The following CSMD1 variants were observed in gnomAD, a reference collection of about 807,000 sequenced individuals.
The protein encoded by CSMD1 is CUB and sushi domain-containing protein 1.
Under a neutral mutation model 417.5 loss-of-function variants are expected in CSMD1, and 213 were observed. That is an observed-to-expected ratio of 0.51 (90% CI 0.46 to 0.57). The LOEUF (loss-of-function observed/expected upper bound fraction) is 0.57. Ranked by LOEUF, CSMD1 falls within the 20% of genes least tolerant of loss-of-function variation. The probability of loss-of-function intolerance (pLI) is 0.00; values close to 1 mark genes in which losing one functional copy is unlikely to be tolerated. For synonymous variants in CSMD1, 2,862 were observed against 1,736.8 expected (o/e 1.65, Z -16.11); for missense variants, 6,923 against 4,529.7 (o/e 1.53, Z -15.17).
intron 58 of CSMD1, 59 bp from the exon 59 acceptor site, chr8:2,966,013 T>C: frequency 7.0e-7 from 1 of 1,423,952 alleles, no homozygotes; most frequent in Non-Finnish European, 9.7e-7. Context: ...AATGAATTAG[T>C]CACCATTTCT....
At chr8:4,418,251 A>T (rs1047530321) in intron 3 of CSMD1, among the ~76,000 whole-genome samples, 2 of 152,258 alleles carry the variant, frequency 1.3e-5, no homozygotes, top group Admixed American at 1.3e-4. Flanking sequence ...AATAAATCCA[A>T]GTTACTCAAC....
intron 26 of CSMD1, among the ~76,000 whole-genome samples, chr8:3,268,424 G>T (rs1160007800): frequency 2.0e-5 from 3 of 150,376 alleles, no homozygotes; most frequent in Non-Finnish European, 4.4e-5. Flanking sequence ...GAGTAACTGG[G>T]ACTACAGGTG....
chr8:3,804,978 G>C (rs969201465), intron 5 of CSMD1, among the ~76,000 whole-genome samples: 1 of 152,124 alleles, frequency 6.6e-6, no homozygotes, highest in Non-Finnish European at 1.5e-5. Flanking sequence ...GCAATTGTTC[G>C]TTCCACTTTC....
rs760185581 is a variant in CSMD1, at chr8:3,189,955, G to C, written c.5355C>G (p.Pro1785=). 1 of 1,597,578 alleles carries C rather than the reference G, an allele frequency of 6.3e-7. No individual in the cohort carries two copies. The highest frequency in any genetic ancestry group is 8.5e-7 in the Non-Finnish European group (1 of 1,172,448). ...TGTCGTTCCACTGTGCCAAGGCGTT[G>C]GGCACGGACTGGCAGTGGAGCGCCG... ...GSTALHCQSV[P]NALAQWNDTI... Residue 1785 remains proline (P), a synonymous_variant, in exon 34 of 70, where the codon CCC becomes CCG. Coordinates refer to ENST00000635120, the MANE Select transcript of CSMD1 (RefSeq NM_033225.6).
intron 37 of CSMD1, among the ~76,000 whole-genome samples, chr8:3,176,532 T>G (rs1318199681): frequency 6.6e-6 from 1 of 152,130 alleles, no homozygotes; most frequent in Admixed American, 6.5e-5. Context: ...TTAAAATCTC[T>G]AGAGTAATTT....
intron 9 of CSMD1, 113 bp from the exon 10 acceptor site, chr8:3,575,179 A>C: frequency 8.6e-7 from 1 of 1,160,340 alleles, no homozygotes; most frequent in African/African-American, 1.6e-5. Flanking sequence ...GTAAAAAAAA[A>C]AAAAAAAATG....
intron 1 of CSMD1, among the ~76,000 whole-genome samples, chr8:4,945,276 A>T (rs1439572442): frequency 6.6e-6 from 1 of 152,178 alleles, no homozygotes; most frequent in Admixed American, 6.5e-5. Context: ...GTTGAATGGG[A>T]ACAGAGTTTT....
chr8:3,433,807 G>C (rs898425867), intron 12 of CSMD1, among the ~76,000 whole-genome samples: 3 of 152,154 alleles, frequency 2.0e-5, no homozygotes, highest in African/African-American at 7.2e-5. Flanking sequence ...CACAGTTCTA[G>C]GACTGAAAAA....
chr8:4,792,276 C>G (rs1279163764), intron 1 of CSMD1, among the ~76,000 whole-genome samples: 1 of 152,154 alleles, frequency 6.6e-6, no homozygotes, highest in Non-Finnish European at 1.5e-5. Context: ...CACATCCTAA[C>G]TACACCCCTA....
intron 5 of CSMD1, among the ~76,000 whole-genome samples, chr8:3,796,626 ATCT>A (rs1800167935): frequency 6.7e-6 from 1 of 148,842 alleles, no homozygotes; most frequent in South Asian, 2.1e-4. Flanking sequence ...ATAGATATAT[ATCT>A]TCTAATGTAT....
intron 5 of CSMD1, among the ~76,000 whole-genome samples, chr8:3,982,724 G>A (rs1436192292): frequency 6.6e-6 from 1 of 152,092 alleles, no homozygotes; most frequent in Non-Finnish European, 1.5e-5. Context: ...GAAGCACCCG[G>A]CATCTGTAGG....
intron 5 of CSMD1, among the ~76,000 whole-genome samples, chr8:3,953,671 G>A (rs371308100): frequency 1.3e-5 from 2 of 152,132 alleles, no homozygotes; most frequent in Non-Finnish European, 2.9e-5. Context: ...GGGAGCCTGG[G>A]GAAGTGATGG....
At chr8:3,099,633 G>A (rs118142994) in intron 46 of CSMD1, among the ~76,000 whole-genome samples, 36 of 152,290 alleles carry the variant, frequency 2.4e-4, no homozygotes, top group Non-Finnish European at 4.3e-4. Flanking sequence ...CAGGCCATCT[G>A]GAAGTAAGAA....
At chr8:4,641,424 G>C (rs1383981728) in intron 1 of CSMD1, among the ~76,000 whole-genome samples, 1 of 152,094 alleles carries the variant, frequency 6.6e-6, no homozygotes, top group Non-Finnish European at 1.5e-5. Context: ...TCCATACACA[G>C]AGTTAACTTC....
At chr8:4,879,951 T>C (rs1803289991) in intron 1 of CSMD1, among the ~76,000 whole-genome samples, 2 of 152,182 alleles carry the variant, frequency 1.3e-5, no homozygotes. Context: ...TTGTCGTTGT[T>C]GTTGAGGTTC....
rs532060342 is a variant in CSMD1 at position 3,667,492 on chromosome 8, G to C, written c.1009+40922C>G. On this transcript the variant is annotated intron_variant, in intron 7 of 69. Transcript: ENST00000635120. ...CCCTGGCAAACAATGCAGGGCCAGG[G>C]TGGCTGGAGCCAACTAGGGGATGGG... Among the ~76,000 whole-genome samples the C allele has an allele frequency of 2.0e-5, 3 of 152,230 alleles. No homozygotes were observed. In the East Asian group the frequency reaches 5.8e-4, roughly 30 times the overall value.
At chr8:2,967,107 T>A (rs1804037296) in intron 57 of CSMD1, among the ~76,000 whole-genome samples, 1 of 152,214 alleles carries the variant, frequency 6.6e-6, no homozygotes, top group African/African-American at 2.4e-5. Context: ...ACAGAATTGT[T>A]GTGATTTTTA....
intron 1 of CSMD1, among the ~76,000 whole-genome samples, chr8:4,922,828 G>C (rs1427112241): frequency 2.0e-5 from 3 of 152,172 alleles, no homozygotes; most frequent in Non-Finnish European, 4.4e-5. Context: ...AATGACTTGA[G>C]GAATTCCTTT....
At chr8:4,832,123 G>A (rs1225903373) in intron 1 of CSMD1, among the ~76,000 whole-genome samples, 5 of 152,104 alleles carry the variant, frequency 3.3e-5, no homozygotes, top group African/African-American at 1.2e-4. Context: ...TCACTGAACT[G>A]GCATGTATCT....
Sources: gnomAD v4.1 joint callset for allele counts (sites outside exome capture counted in the v4.1 genomes callset) on GRCh38, gnomAD v4.1.1 for gene constraint, MANE v1.5 for transcripts, NCBI Gene and HGNC (gene_info 2026-07-23, HGNC 2026-07-21) for gene names.